PRPF3: variants seen among roughly 807,000 people sequenced by gnomAD.
PRPF3 encodes pre-mRNA processing factor 3, also known as U4/U6 small nuclear ribonucleoprotein Prp3.
Under a neutral mutation model 89.2 loss-of-function variants are expected in PRPF3, and 3 were observed. The observed-to-expected ratio is 0.03, with a 90% confidence interval of 0.02 to 0.09. The LOEUF is 0.09. Among genes scored for constraint, PRPF3 ranks in the 10% least tolerant of loss-of-function variants. The pLI is 1.00. For missense variants in PRPF3, 463 were observed against 828.8 expected, an observed-to-expected ratio of 0.56 and a Z score of 5.42; for synonymous variants, 270 against 289.1, an observed-to-expected ratio of 0.93 and a Z score of 0.67.
intron 3 of PRPF3, among the ~76,000 whole-genome samples, chr1:150,326,545 T>G (rs1478090543): frequency 2.0e-5 from 3 of 151,872 alleles, no homozygotes; most frequent in African/African-American, 7.3e-5. Context: ...TATCTCTCTT[T>G]AGGAGAAAAA....
intron 13 of PRPF3, 104 bp downstream of exon 13, chr1:150,346,240 A>G: frequency 1.6e-6 from 2 of 1,249,418 alleles, no homozygotes; most frequent in South Asian, 2.4e-5. Context: ...TTAGTGCCAT[A>G]CCTGATATAA....
chr1:150,341,433 T>A (rs1323886603), intron 9 of PRPF3, among the ~76,000 whole-genome samples: 2 of 133,188 alleles, frequency 1.5e-5, no homozygotes, highest in Non-Finnish European at 3.2e-5. Context: ...GAGGAGGAGT[T>A]TCGCTCTTGT....
rs587715397 is a variant in PRPF3 at position 150,336,429 on chromosome 1, T to C, written c.1035+1188T>C. Among the ~76,000 whole-genome samples, 6 of 152,230 alleles carry C rather than the reference T, an allele frequency of 3.9e-5. No homozygotes were observed. In the South Asian group the frequency reaches 1.2e-3, roughly 32 times the overall value. ...GTGCAGCCCAGTTCCTAAAAGACTGTTGGGTTGGGGACCCCTGATTTAAAG... is the reference window on the plus strand; with the variant it reads ...GTGCAGCCCAGTTCCTAAAAGACTGCTGGGTTGGGGACCCCTGATTTAAAG... On this transcript the variant is annotated intron_variant, in intron 7 of 15. Coordinates refer to ENST00000324862, the MANE Select transcript of PRPF3 (RefSeq NM_004698.4).
Position 150,343,244 on chromosome 1 carries a change from A to AT in PRPF3, c.1283-65_1283-64insT, listed in dbSNP as rs1398940366. Reference sequence around the variant, plus strand: ...GTGACAGAGTGAGAGAGAGAAAAAAAAAAAATATATATATATATATATGTA... The same window carrying AT: ...GTGACAGAGTGAGAGAGAGAAAAAAATAAAAATATATATATATATATATGTA... On this transcript the variant is annotated intron_variant, in intron 9 of 15. Coordinates refer to ENST00000324862, the MANE Select transcript of PRPF3 (RefSeq NM_004698.4). 1.0e-3 allele frequency: 385 copies of AT among 380,988 alleles called. 3 individuals are homozygous for AT. The highest frequency in any genetic ancestry group is 9.6e-3 in the African/African-American group (353 of 36,950). The allele number at this position is 380,988 out of a possible 1,614,324, so 23.6% of individuals were successfully genotyped here. A position where few individuals can be genotyped will look rare whatever the true frequency, so the allele number is the denominator to read the frequency against.
At chr1:150,340,362 C>T (rs782264153) in intron 8 of PRPF3, 36 bp from the exon 9 acceptor site, 20 of 1,411,264 alleles carry the variant, frequency 1.4e-5, no homozygotes, top group African/African-American at 1.1e-4. Flanking sequence ...CATCTCTACC[C>T]GCATATCGTG....
chr1:150,342,812 C>T (rs1657903601), intron 9 of PRPF3, among the ~76,000 whole-genome samples: 1 of 152,088 alleles, frequency 6.6e-6, no homozygotes. Flanking sequence ...TGATCCACCG[C>T]ACCTGGCCTC....
chr1:150,322,198 A>G (rs189276184), intron 1 of PRPF3, among the ~76,000 whole-genome samples: 137 of 152,276 alleles, frequency 9.0e-4, no homozygotes, highest in Non-Finnish European at 1.0e-3. Flanking sequence ...TTTCTAGCCT[A>G]TCATTCAATT....
chr1:150,337,341 AAAATT>A (rs1368302441), intron 7 of PRPF3, among the ~76,000 whole-genome samples: 2 of 151,960 alleles, frequency 1.3e-5, no homozygotes, highest in East Asian at 3.9e-4. Context: ...ACCCGGCCAT[AAAATT>A]CTATTTCTGC....
At chr1:150,328,900 C>T (rs1330587030) in intron 4 of PRPF3, among the ~76,000 whole-genome samples, 2 of 152,068 alleles carry the variant, frequency 1.3e-5, no homozygotes, top group Non-Finnish European at 1.5e-5. Context: ...CCATGTTGGG[C>T]AGGCTGGTCT....
intron 7 of PRPF3, among the ~76,000 whole-genome samples, chr1:150,336,731 G>T (rs1419975176): frequency 1.3e-5 from 2 of 151,776 alleles, no homozygotes; most frequent in Non-Finnish European, 2.9e-5. Flanking sequence ...ACTCCAGCAT[G>T]GGCAAAAGAG....
intron 12 of PRPF3, chr1:150,345,686 G>A (rs1658210366): frequency 2.8e-6 from 1 of 360,460 alleles, no homozygotes; most frequent in Non-Finnish European, 5.4e-6. Context: ...GGGTCTAGAG[G>A]ACAAAAAGTC....
At chr1:150,339,450 T>C (rs1303739490) in intron 8 of PRPF3, among the ~76,000 whole-genome samples, 5 of 151,500 alleles carry the variant, frequency 3.3e-5, no homozygotes, top group Middle Eastern at 3.2e-3. Flanking sequence ...TTTTTTTTTT[T>C]CCTGAGACGG....
intron 6 of PRPF3, among the ~76,000 whole-genome samples, chr1:150,334,454 C>T (rs1382791253): frequency 2.6e-5 from 4 of 151,940 alleles, no homozygotes; most frequent in Non-Finnish European, 5.9e-5. Flanking sequence ...CTCTGCCTCC[C>T]AGGTTCAGTA....
chr1:150,323,321 T>C (rs1655313284), intron 1 of PRPF3, among the ~76,000 whole-genome samples: 1 of 151,346 alleles, frequency 6.6e-6, no homozygotes, highest in Non-Finnish European at 1.5e-5. Context: ...GGATTACAGG[T>C]GCCCACCACC....
At chr1:150,327,845 C>T (rs1277141702) in intron 3 of PRPF3, 1 of 170,702 alleles carries the variant, frequency 5.9e-6, no homozygotes, top group African/African-American at 2.4e-5. Context: ...GAAAACTATA[C>T]TAACATTGAA....
At chr1:150,344,291 C>T (rs782224427) in intron 11 of PRPF3, 30 bp downstream of exon 11, 13 of 1,613,530 alleles carry the variant, frequency 8.1e-6, no homozygotes, top group East Asian at 6.7e-5. Flanking sequence ...GTGGAAACCT[C>T]GGGCAAGTAC....
chr1:150,333,259 C>T, intron 6 of PRPF3, 60 bp downstream of exon 6: 1 of 1,553,178 alleles, frequency 6.4e-7, no homozygotes, highest in Non-Finnish European at 8.8e-7. Context: ...CAATAAATAC[C>T]TTTGAATGTT....
chr1:150,343,247 AAATATAT>A (rs1278984675), intron 9 of PRPF3, 55 bp from the exon 10 acceptor site: 26 of 249,064 alleles, frequency 1.0e-4, no homozygotes, highest in Admixed American at 2.4e-4. Flanking sequence ...GAAAAAAAAA[AAATATAT>A]ATATATATAT....
chr1:150,322,533 C>G (rs1268534593), intron 1 of PRPF3, among the ~76,000 whole-genome samples: 1 of 152,108 alleles, frequency 6.6e-6, no homozygotes, highest in Non-Finnish European at 1.5e-5. Context: ...GAAATTGGTA[C>G]GCTGTATGTC....
Sources: allele counts gnomAD v4.1 joint callset (sites outside exome capture counted in the v4.1 genomes callset), GRCh38; gene constraint gnomAD v4.1.1; transcripts MANE v1.5; gene names NCBI Gene and HGNC (gene_info 2026-07-23, HGNC 2026-07-21).